The following CSMD2 variants were observed in gnomAD, a reference collection of about 807,000 sequenced individuals.
CSMD2 encodes CUB and sushi domain-containing protein 2.
CSMD2 carries 130 observed loss-of-function variants against 398.5 expected under a neutral mutation model. The ratio of observed to expected loss-of-function variants is 0.33; its 90% CI spans 0.28 to 0.38. CSMD2 has a LOEUF of 0.38. CSMD2 is among the 10% of genes least tolerant of loss of function. The probability of loss-of-function intolerance (pLI) is 1.00; values close to 1 mark genes in which losing one functional copy is unlikely to be tolerated. For missense variants in CSMD2, 3,829 were observed against 4,764.9 expected, an observed-to-expected ratio of 0.80 and a Z score of 5.78; for synonymous variants, 1,828 against 1,908.5, an observed-to-expected ratio of 0.96 and a Z score of 1.10.
chr1:33,865,324 A>T (rs1438549511), intron 5 of CSMD2, among the ~76,000 whole-genome samples: 1 of 150,316 alleles, frequency 6.7e-6, no homozygotes, highest in Non-Finnish European at 1.5e-5. Flanking sequence ...AGCAACACTT[A>T]GATACGCTCA....
At chr1:34,069,457 G>T (rs977575139) in intron 2 of CSMD2, among the ~76,000 whole-genome samples, 1 of 152,170 alleles carries the variant, frequency 6.6e-6, no homozygotes, top group African/African-American at 2.4e-5. Context: ...TCAGCTCAAA[G>T]AATCTTCACA....
chr1:33,654,169 CTGAG>C (rs1005540996), intron 27 of CSMD2, among the ~76,000 whole-genome samples: 24 of 152,180 alleles, frequency 1.6e-4, no homozygotes, highest in Admixed American at 9.8e-4. Context: ...AAGAACCATC[CTGAG>C]TATCAGAAAC....
chr1:33,646,929 G>A, intron 28 of CSMD2, 94 bp from the exon 29 acceptor site: 1 of 1,275,984 alleles, frequency 7.8e-7, no homozygotes, highest in South Asian at 1.5e-5. Flanking sequence ...GGGCCTCCCA[G>A]GGAGCAAGCC....
intron 6 of CSMD2, among the ~76,000 whole-genome samples, chr1:33,830,321 G>C (rs1302940170): frequency 6.6e-6 from 1 of 152,182 alleles, no homozygotes; most frequent in Admixed American, 6.5e-5. Context: ...AACTTCCAGA[G>C]GAATAATCAG....
At chr1:33,835,626 C>A (rs1376098186) in intron 6 of CSMD2, among the ~76,000 whole-genome samples, 4 of 132,604 alleles carry the variant, frequency 3.0e-5, no homozygotes, top group Non-Finnish European at 6.2e-5. Flanking sequence ...ACAATGTGTA[C>A]ATGTACCCTA....
At chr1:34,099,425 G>A (rs893294463) in intron 1 of CSMD2, among the ~76,000 whole-genome samples, 7 of 152,212 alleles carry the variant, frequency 4.6e-5, no homozygotes, top group South Asian at 2.1e-4. Context: ...GGGCCTCCCC[G>A]ATTCGTGTTG....
intron 59 of CSMD2, 113 bp from the exon 60 acceptor site, chr1:33,540,811 AG>A: frequency 8.3e-7 from 1 of 1,209,480 alleles, no homozygotes; most frequent in Non-Finnish European, 1.2e-6. Context: ...TGGGCTAAAC[AG>A]GAAGAACCAG....
chr1:33,689,189 T>C (rs1645155075), intron 25 of CSMD2, among the ~76,000 whole-genome samples: 1 of 152,012 alleles, frequency 6.6e-6, no homozygotes, highest in Non-Finnish European at 1.5e-5. Flanking sequence ...GTGCATGCTA[T>C]GCATACTGGC....
chr1:34,076,868 G>A (rs2148317681), intron 2 of CSMD2, among the ~76,000 whole-genome samples: 1 of 124,440 alleles, frequency 8.0e-6, no homozygotes, highest in East Asian at 2.6e-4. Flanking sequence ...CTACTGGCAA[G>A]ACTGGTGTAT....
chr1:33,633,543 G>T lies in CSMD2; in HGVS notation c.5087-8C>A. On this transcript the variant is annotated splice_polypyrimidine_tract_variant and splice_region_variant and intron_variant, in intron 31 of 70. Transcript: ENST00000373381. The surrounding 1 kb of genome is among the most constrained non-coding windows in gnomAD (Gnocchi z 5.0). ...CGAACTGGCCAAACACCACTGTGGA[G>T]GAGACACAGTGTGGGGACTGGGCAG... 7.8e-6 allele frequency: 12 copies of T among 1,543,106 alleles called. No homozygotes were observed. The highest frequency in any genetic ancestry group is 1.1e-5 in the Non-Finnish European group (12 of 1,139,012).
At chr1:33,524,706 T>C (rs376071311) in intron 66 of CSMD2, among the ~76,000 whole-genome samples, 176 bp downstream of exon 66, 1 of 152,220 alleles carries the variant, frequency 6.6e-6, no homozygotes, top group African/African-American at 2.4e-5. Context: ...TTTAAACATT[T>C]CCCTTTAGTC....
At chr1:33,696,168 G>A (rs556665137) in intron 24 of CSMD2, among the ~76,000 whole-genome samples, 17 of 152,256 alleles carry the variant, frequency 1.1e-4, no homozygotes, top group South Asian at 2.1e-4. Flanking sequence ...TACTATAAGC[G>A]TCTGAATCAA....
intron 2 of CSMD2, among the ~76,000 whole-genome samples, chr1:34,037,728 GCC>G (rs1213170233): frequency 6.6e-6 from 1 of 152,100 alleles, no homozygotes; most frequent in Non-Finnish European, 1.5e-5. Flanking sequence ...ACCTCACCAG[GCC>G]TTCTCCTATG....
intron 23 of CSMD2, 82 bp downstream of exon 23, chr1:33,700,435 C>T (rs561388824): frequency 2.4e-5 from 36 of 1,470,534 alleles, no homozygotes; most frequent in Non-Finnish European, 2.7e-5. Flanking sequence ...CTTTGTATCT[C>T]GTGAGCAAGC....
At chr1:34,160,984 G>T (rs1641274328) in intron 1 of CSMD2, among the ~76,000 whole-genome samples, 1 of 152,180 alleles carries the variant, frequency 6.6e-6, no homozygotes, top group Non-Finnish European at 1.5e-5. Flanking sequence ...AAATTAGTTA[G>T]TAAGGGAGTG....
At chr1:33,813,385 C>T (rs1053677715) in intron 9 of CSMD2, among the ~76,000 whole-genome samples, 2 of 152,218 alleles carry the variant, frequency 1.3e-5, no homozygotes, top group Admixed American at 1.3e-4. Context: ...TCACCCTGAG[C>T]AGCCAGCTCC....
At chr1:33,647,230 T>C (rs1376186703) in intron 28 of CSMD2, among the ~76,000 whole-genome samples, 2 of 152,138 alleles carry the variant, frequency 1.3e-5, no homozygotes, top group Non-Finnish European at 2.9e-5. Context: ...GAACCTCATT[T>C]TCTAAGAGAG....
chr1:34,030,254 T>C (rs865821616), intron 3 of CSMD2, among the ~76,000 whole-genome samples: 5 of 152,198 alleles, frequency 3.3e-5, no homozygotes, highest in Admixed American at 6.5e-5. Context: ...GGCTACTGTA[T>C]TGGACAATAC....
At chr1:34,030,221 GTAAATAGCCATA>G (rs1196846528) in intron 3 of CSMD2, among the ~76,000 whole-genome samples, 1 of 152,190 alleles carries the variant, frequency 6.6e-6, no homozygotes, top group African/African-American at 2.4e-5. Context: ...TAATTTAAAT[GTAAATAGCCATA>G]TGTGGCTGAT....
Sources: allele counts gnomAD v4.1 joint callset (sites outside exome capture counted in the v4.1 genomes callset), GRCh38; gene constraint gnomAD v4.1.1; non-coding constraint Gnocchi (gnomAD v3.1); transcripts MANE v1.5; gene names NCBI Gene and HGNC (gene_info 2026-07-23, HGNC 2026-07-21).